The following TECTA variants were observed in gnomAD, a reference collection of about 807,000 sequenced individuals.
TECTA encodes alpha-tectorin.
A neutral mutation model predicts 216.8 loss-of-function variants in TECTA; 128 were observed. That is an observed-to-expected ratio of 0.59 (90% confidence interval 0.51 to 0.68). The LOEUF is 0.68. TECTA is among the 30% of genes least tolerant of loss of function. TECTA has a pLI of 0.00. For missense variants in TECTA, 2,551 were observed against 2,786.2 expected (o/e 0.92, Z 1.90); for synonymous variants, 1,089 against 1,117.1 (o/e 0.97, Z 0.50).
intron 20 of TECTA, among the ~76,000 whole-genome samples, chr11:121,176,068 A>G (rs1221416734): frequency 1.3e-5 from 2 of 149,766 alleles, no homozygotes; most frequent in African/African-American, 2.5e-5. Flanking sequence ...TTTTATTTTG[A>G]GCCTATGTGT....
intron 1 of TECTA, among the ~76,000 whole-genome samples, chr11:121,101,787 A>G (rs886089886): frequency 9.9e-5 from 15 of 152,220 alleles, no homozygotes; most frequent in African/African-American, 3.6e-4. Flanking sequence ...AGGAGACTTC[A>G]TGGTCTAGCC....
chr11:121,177,634 C>G (rs1406597914), intron 20 of TECTA, among the ~76,000 whole-genome samples: 1 of 152,214 alleles, frequency 6.6e-6, no homozygotes, highest in African/African-American at 2.4e-5. Context: ...GGGTCAGGGA[C>G]CCACTTGAGG....
chr11:121,106,859 C>T (rs1406130612), intron 3 of TECTA, among the ~76,000 whole-genome samples: 2 of 152,210 alleles, frequency 1.3e-5, no homozygotes, highest in African/African-American at 4.8e-5. Context: ...CACACAGGCA[C>T]TCATTAGCAA....
chr11:121,172,857 C>T (rs1277827122), intron 20 of TECTA, among the ~76,000 whole-genome samples: 1 of 151,006 alleles, frequency 6.6e-6, no homozygotes, highest in Non-Finnish European at 1.5e-5. Context: ...CCTGTTGTTT[C>T]CTGACTTTTT....
At position 121,158,237 on chromosome 11, in the gene TECTA, G is replaced by A. The variant is rs1288339848; in HGVS notation, c.4689+13G>A. Reference sequence around the variant, plus strand: ...GAACACGGTCAAGGTAACCAGCCTGGCGGCCATTCTTAAGAAGGGGCCCGG... The same window carrying A: ...GAACACGGTCAAGGTAACCAGCCTGACGGCCATTCTTAAGAAGGGGCCCGG... On this transcript the variant is annotated intron_variant, in intron 14 of 23. Transcript: ENST00000392793. 6.2e-7 allele frequency: 1 copy of A among 1,610,078 alleles called. No homozygotes were observed.
chr11:121,183,880 T>G (rs916776445), intron 20 of TECTA, among the ~76,000 whole-genome samples: 2 of 152,202 alleles, frequency 1.3e-5, no homozygotes, highest in Non-Finnish European at 2.9e-5. Context: ...CTCAACGTCC[T>G]GGGCTCAAGT....
rs772122250 is a variant in TECTA at position 121,137,414 on chromosome 11, C to A, written c.2942-7C>A. On this transcript the variant is annotated splice_polypyrimidine_tract_variant and splice_region_variant and intron_variant, in intron 10 of 23. Coordinates refer to ENST00000392793, the MANE Select transcript of TECTA (RefSeq NM_005422.4). ...CTCAAACCCGTCTTCTCCTTGACCA[C>A]CTGCAGCACTGGAGTGCCCAGAGAA... 5 of 1,613,934 alleles carry A rather than the reference C, an allele frequency of 3.1e-6. No homozygotes were observed. The highest frequency in any genetic ancestry group is 1.7e-4 in the Middle Eastern group (1 of 6,060).
chr11:121,178,784 G>T (rs1947196542), intron 20 of TECTA, among the ~76,000 whole-genome samples: 1 of 152,006 alleles, frequency 6.6e-6, no homozygotes, highest in Non-Finnish European at 1.5e-5. Context: ...ATTAGTTATT[G>T]GTCTGTTCAG....
chr11:121,184,161 T>G (rs1450005984), intron 20 of TECTA, among the ~76,000 whole-genome samples: 1 of 152,190 alleles, frequency 6.6e-6, no homozygotes, highest in African/African-American at 2.4e-5. Context: ...TTCAAACTAG[T>G]TTATGCAAAA....
At chr11:121,120,553 T>C (rs1946547581) in intron 7 of TECTA, among the ~76,000 whole-genome samples, 1 of 152,196 alleles carries the variant, frequency 6.6e-6, no homozygotes, top group South Asian at 2.1e-4. Flanking sequence ...AGACCAGAAA[T>C]GGCCACTAAG....
chr11:121,128,554 A>G (rs1007785973), intron 9 of TECTA, among the ~76,000 whole-genome samples: 4 of 152,226 alleles, frequency 2.6e-5, no homozygotes, highest in Non-Finnish European at 5.9e-5. Flanking sequence ...CTCCAATTAG[A>G]TAGAGCAGGA....
Position 121,129,696 on chromosome 11 carries a change from A to G in TECTA, c.2426A>G (p.Tyr809Cys). Residue 809 changes from tyrosine to cysteine, a missense_variant, in exon 10 of 24, where the codon TAT becomes TGT. This residue lies in a region of TECTA where 2,375 missense variants were observed against 2,563.9 expected (regional missense o/e 0.93). Transcript: ENST00000392793. ...CATCCTTCGGGGAAGCTGGAAATTT[A>G]TCGAAACAAAAACAGTACGACAGTG... ...FFHPSGKLEI[Y>C]RNKNSTTVES... 1 of 1,614,222 alleles carries G rather than the reference A, an allele frequency of 6.2e-7. No individual in the cohort carries two copies. The highest frequency in any genetic ancestry group is 8.5e-7 in the Non-Finnish European group (1 of 1,180,052).
chr11:121,125,197 T>G, intron 7 of TECTA, 105 bp from the exon 8 acceptor site: 1 of 1,198,290 alleles, frequency 8.3e-7, no homozygotes, highest in Non-Finnish European at 1.2e-6. Flanking sequence ...AGGTGGCCAT[T>G]CTCTCTGGAG....
At chr11:121,159,679 GTGTTA>G (rs1946979069) in intron 14 of TECTA, among the ~76,000 whole-genome samples, 1 of 152,228 alleles carries the variant, frequency 6.6e-6, no homozygotes, top group Admixed American at 6.5e-5. Context: ...CATATTAACT[GTGTTA>G]GACTCTCCTT....
At position 121,105,726 on chromosome 11, in the gene TECTA, T is replaced by G; in HGVS notation, c.65-105T>G. 1 of 1,464,442 alleles carries G rather than the reference T, an allele frequency of 6.8e-7. No individual in the cohort carries two copies. Among genetic ancestry groups the G allele is most frequent in the Non-Finnish European group, 9.4e-7 (1 of 1,065,996 alleles). The allele number at this position is 1,464,442 out of a possible 1,614,324, so 90.7% of individuals were successfully genotyped here. ...CAGGGCAGTATGACTTGCATTCAGC[T>G]TGCAAGCCCTACTGAAAGAAGCTGG... On this transcript the variant is annotated intron_variant, in intron 2 of 23. Coordinates refer to ENST00000392793, the MANE Select transcript of TECTA (RefSeq NM_005422.4). This position sits in a 1 kb window ranked among gnomAD's most constrained non-coding sequence, Gnocchi z 5.3.
intron 19 of TECTA, 122 bp from the exon 20 acceptor site, chr11:121,168,555 C>G: frequency 1.4e-6 from 2 of 1,433,884 alleles, no homozygotes; most frequent in Non-Finnish European, 9.8e-7. Flanking sequence ...TTGGACAGCA[C>G]AGCCTTAGAC....
intron 10 of TECTA, among the ~76,000 whole-genome samples, chr11:121,131,210 T>C (rs1435475853): frequency 1.6e-5 from 1 of 61,974 alleles, no homozygotes; most frequent in Non-Finnish European, 2.7e-5. Context: ...CAAGACTCCA[T>C]CTCAAAAAAA....
chr11:121,108,524 A>T lies in TECTA; in HGVS notation c.199-687A>T, dbSNP rs1439294747. Reference sequence around the variant, plus strand: ...ACACTGCCCACCCCAGTACACACACACTCCAATATACACACACACATACAC... The same window carrying T: ...ACACTGCCCACCCCAGTACACACACTCTCCAATATACACACACACATACAC... On this transcript the variant is annotated intron_variant, in intron 3 of 23. Coordinates refer to ENST00000392793, the MANE Select transcript of TECTA (RefSeq NM_005422.4). Among the ~76,000 whole-genome samples the T allele has an allele frequency of 2.2e-5, 3 of 139,096 alleles. No individual in the cohort carries two copies. In the Admixed American group the frequency reaches 2.2e-4, roughly 10 times the overall value. 91.3% of individuals were successfully genotyped at this position (139,096 alleles called of 152,430 possible).
intron 11 of TECTA, among the ~76,000 whole-genome samples, chr11:121,144,113 C>T (rs1450946494): frequency 6.6e-6 from 1 of 152,120 alleles, no homozygotes; most frequent in Non-Finnish European, 1.5e-5. Flanking sequence ...AATGTCACAG[C>T]TTGGTTCATT....
Sources: gnomAD v4.1 joint callset for allele counts (sites outside exome capture counted in the v4.1 genomes callset) on GRCh38, gnomAD v4.1.1 for gene constraint, gnomAD v4.1.1 regional missense constraint, Gnocchi (gnomAD v3.1) non-coding constraint, MANE v1.5 for transcripts, NCBI Gene and HGNC (gene_info 2026-07-23, HGNC 2026-07-21) for gene names.